CEP250: variants seen among roughly 807,000 people sequenced by gnomAD.
CEP250 encodes centrosomal protein 250, also known as centrosome-associated protein CEP250.
A neutral mutation model predicts 315.7 loss-of-function variants in CEP250; 242 were observed. The observed-to-expected ratio is 0.77, with a 90% CI of 0.69 to 0.85. The LOEUF is 0.85. Ranked by LOEUF, CEP250 falls within the 40% of genes least tolerant of loss-of-function variation. The probability of loss-of-function intolerance (pLI) is 0.00; values close to 1 mark genes in which losing one functional copy is unlikely to be tolerated. For synonymous variants in CEP250, 1,088 were observed against 1,175.0 expected (o/e 0.93, Z 1.51); for missense variants, 2,515 against 2,886.4 (o/e 0.87, Z 2.95).
intron 20 of CEP250, among the ~76,000 whole-genome samples, chr20:35,485,645 C>CTTTCTT (rs2063489832): frequency 3.0e-5 from 1 of 33,788 alleles, no homozygotes; most frequent in African/African-American, 1.2e-4. Flanking sequence ...GTCTGCCTGG[C>CTTTCTT]TTTTTTTTTT....
chr20:35,457,938 A>G (rs2062668440), intron 1 of CEP250, among the ~76,000 whole-genome samples: 1 of 152,234 alleles, frequency 6.6e-6, no homozygotes, highest in South Asian at 2.1e-4. Flanking sequence ...GGGAGAGGCC[A>G]GAGGTTGGAA....
intron 5 of CEP250, among the ~76,000 whole-genome samples, chr20:35,464,972 TA>T: frequency 6.6e-6 from 1 of 152,268 alleles, no homozygotes; most frequent in African/African-American, 2.4e-5. Flanking sequence ...ACCTTTAACT[TA>T]TGTTCAACTT....
chr20:35,509,067 C>T, intron 33 of CEP250, 23 bp downstream of exon 33: 5 of 1,543,702 alleles, frequency 3.2e-6, no homozygotes, highest in Non-Finnish European at 4.4e-6. Flanking sequence ...TCCTCAGCTG[C>T]AGCCTTAGAG....
rs781194340 is a variant in CEP250 at position 35,473,379 on chromosome 20, A to G, written c.1215A>G (p.Leu405=). The change falls in exon 13 of 35, where the codon CTA becomes CTG. Residue 405 remains leucine, a synonymous_variant. Coordinates refer to ENST00000397527, the MANE Select transcript of CEP250 (RefSeq NM_007186.6). ...LTRRRQAVQD[L]RQQLAGCQEA... ...CTCTTGCTCTCTCTCCACAGGACCTAAGGCAGCAGCTTGCAGGCTGTCAAG... is the reference window on the plus strand; with the variant it reads ...CTCTTGCTCTCTCTCCACAGGACCTGAGGCAGCAGCTTGCAGGCTGTCAAG... The G allele has an allele frequency of 6.2e-6, 10 of 1,612,814 alleles. No homozygotes were observed. The highest frequency in any genetic ancestry group is 8.5e-6 in the Non-Finnish European group (10 of 1,179,256).
intron 24 of CEP250, among the ~76,000 whole-genome samples, chr20:35,495,098 T>C (rs980216762): frequency 6.6e-6 from 1 of 152,148 alleles, no homozygotes; most frequent in Non-Finnish European, 1.5e-5. Flanking sequence ...GAGCTACCCA[T>C]GTAAAAGGGT....
intron 33 of CEP250, among the ~76,000 whole-genome samples, chr20:35,509,395 AGGAGCTTG>A (rs1446892589): frequency 1.3e-5 from 2 of 152,178 alleles, no homozygotes; most frequent in African/African-American, 2.4e-5. Flanking sequence ...TGAGGAGCCT[AGGAGCTTG>A]ATCACAGCTT....
At chr20:35,499,693 C>T (rs2063946389) in intron 27 of CEP250, among the ~76,000 whole-genome samples, 2 of 152,180 alleles carry the variant, frequency 1.3e-5, no homozygotes, top group Admixed American at 1.3e-4. Context: ...GCAATTCATC[C>T]TGATTTGGGA....
intron 20 of CEP250, among the ~76,000 whole-genome samples, chr20:35,483,164 T>C (rs1048394082): frequency 1.3e-5 from 2 of 151,618 alleles, no homozygotes; most frequent in African/African-American, 4.8e-5. Flanking sequence ...CTACTAAATA[T>C]ACAAAATTAG....
rs2063894888 is a variant in CEP250 at position 35,498,035 on chromosome 20, A to C, written c.3623A>C (p.Asp1208Ala). ...AGGCCTGAGCTGAGTGGTGGGGGAG[A>C]CTCTGCTCCTTCCGTCTGGGGCCTT... ...ESRPELSGGG[D>A]SAPSVWGLEP... Residue 1208 changes from aspartate (D) to alanine (A), a missense_variant, in exon 26 of 35, where the codon GAC becomes GCC. Transcript: ENST00000397527. 24 of 1,591,026 alleles carry C rather than the reference A, an allele frequency of 1.5e-5. No individual in the cohort carries two copies. Among genetic ancestry groups the C allele is most frequent in the Non-Finnish European group, 2.1e-5 (24 of 1,164,094 alleles).
At position 35,505,014 on chromosome 20, in the gene CEP250, C is replaced by T. The variant is rs1358888589; in HGVS notation, c.6636+9C>T. The stretch of plus-strand genomic sequence containing the variant: ...AACAGCAAAGGCTGCAGGTAAGTCA[C>T]TCCATGGGGAGTAAGGGCCAGGGGA... On this transcript the variant is annotated intron_variant, in intron 30 of 34. Transcript: ENST00000397527. 2 of 1,589,162 alleles carry T rather than the reference C, an allele frequency of 1.3e-6. No individual in the cohort carries two copies. Among genetic ancestry groups the T allele is most frequent in the East Asian group, 4.5e-5 (2 of 44,522 alleles).
intron 14 of CEP250, chr20:35,474,932 G>A: frequency 2.2e-5 from 10 of 459,534 alleles, no homozygotes; most frequent in Non-Finnish European, 4.5e-5. Context: ...CCAGTTCCTT[G>A]TACCTGGTAG....
Position 35,472,086 on chromosome 20 carries a change from T to C in CEP250, c.985T>C (p.Ser329Pro), listed in dbSNP as rs1220168969. 6.2e-7 allele frequency: 1 copy of C among 1,613,148 alleles called. No homozygotes were observed. The highest frequency in any genetic ancestry group is 8.5e-7 in the Non-Finnish European group (1 of 1,179,196). ...NHTELMEHEA[S>P]LSRNAQEEKL... ...CACAGAATTAATGGAACATGAAGCA[T>C]CTCTTAGTAGGAATGCGCAAGAGGA... Residue 329 changes from serine to proline, a missense_variant, in exon 11 of 35, where the codon TCT (serine) becomes CCT (proline). By Grantham distance (74) the Ser-to-Pro change is moderately conservative (BLOSUM62 -1). Coordinates refer to ENST00000397527, the MANE Select transcript of CEP250 (RefSeq NM_007186.6).
intron 20 of CEP250, among the ~76,000 whole-genome samples, chr20:35,482,975 C>T (rs1445555746): frequency 1.3e-5 from 2 of 152,162 alleles, no homozygotes; most frequent in African/African-American, 4.8e-5. Flanking sequence ...ATTATCTCTT[C>T]AATATTACCT....
intron 24 of CEP250, among the ~76,000 whole-genome samples, chr20:35,495,373 A>G (rs1358568708): frequency 6.6e-6 from 1 of 152,200 alleles, no homozygotes; most frequent in African/African-American, 2.4e-5. Context: ...CTTATGATGT[A>G]TTTGAAGGGA....
intron 11 of CEP250, 124 bp from the exon 12 acceptor site, chr20:35,472,549 C>T: frequency 1.0e-6 from 1 of 989,488 alleles, no homozygotes; most frequent in Non-Finnish European, 1.5e-6. Context: ...TACTCCCCTC[C>T]TTCCCCCAGG....
At position 35,490,726 on chromosome 20, in the gene CEP250, G is replaced by A; in HGVS notation, c.2676G>A (p.Lys892=). The A allele has an allele frequency of 6.2e-7, 1 of 1,614,008 alleles. No homozygotes were observed. ...REKMELEMRL[K]EQQTEMEAIQ... is the part of the protein sequence containing the mutation. ...AAATGGAGCTGGAAATGAGGCTAAAGGAGCAGCAGACAGAAATGGAGGCCA... is the reference window on the plus strand; with the variant it reads ...AAATGGAGCTGGAAATGAGGCTAAAAGAGCAGCAGACAGAAATGGAGGCCA... The change falls in exon 21 of 35, where the codon AAG becomes AAA. Residue 892 remains lysine, a synonymous_variant. Coordinates refer to ENST00000397527, the MANE Select transcript of CEP250 (RefSeq NM_007186.6).
chr20:35,504,574 GTCCAAGAGAATATGA>G lies in CEP250; in HGVS notation c.6216_6230del (p.Asn2072_Glu2076del), dbSNP rs1212715053. On this transcript the variant is annotated inframe_deletion, in exon 30 of 35. Coordinates refer to ENST00000397527, the MANE Select transcript of CEP250 (RefSeq NM_007186.6). ...GCTGGAGAAGTCTCTGGCCCAGAGGGTCCAAGAGAATATGATCCAAGAGAAGCAGAATCTGGGGCA... is the reference window on the plus strand; with the variant it reads ...GCTGGAGAAGTCTCTGGCCCAGAGGGTCCAAGAGAAGCAGAATCTGGGGCA... 13 of 1,614,072 alleles carry G rather than the reference GTCCAAGAGAATATGA, an allele frequency of 8.1e-6. No homozygotes were observed. Among genetic ancestry groups the G allele is most frequent in the Admixed American group, 1.7e-5 (1 of 60,004 alleles).
rs958965935 is a variant in CEP250, at chr20:35,516,176, G to C, written c.*4550G>C. 2.0e-4 allele frequency: 30 copies of C among 152,252 alleles called. 1 individual carries two copies. Among genetic ancestry groups the C allele is most frequent in the African/African-American group, 7.2e-4 (30 of 41,458 alleles). The allele number at this position is 152,252 out of a possible 1,614,324, so 9.4% of individuals were successfully genotyped here. A position where few individuals can be genotyped will look rare whatever the true frequency, so the allele number is the denominator to read the frequency against. On this transcript the variant is annotated 3_prime_UTR_variant, in exon 35 of 35. Coordinates refer to ENST00000397527, the MANE Select transcript of CEP250 (RefSeq NM_007186.6). ...GCCAAGGCTGTGTGATGTGTCATCT[G>C]AGAGAGTGGGTAACCCCTATTCCCA...
chr20:35,473,547 C>A lies in CEP250; in HGVS notation c.1383C>A (p.Leu461=). ...ACCTCCAGGGAGAGGTGGACTCTCT[C>A]AGCAAGTGAGCAGACGGGCTGTTCA... is the stretch of plus-strand genomic sequence containing the variant. ...TVDLQGEVDS[L]SKERELLQKA... The change falls in exon 13 of 35, where the codon CTC becomes CTA. Residue 461 remains leucine (L), a synonymous_variant. Transcript: ENST00000397527. The A allele has an allele frequency of 6.2e-7, 1 of 1,611,060 alleles. No homozygotes were observed. The highest frequency in any genetic ancestry group is 1.1e-5 in the South Asian group (1 of 90,642).
Sources: allele counts gnomAD v4.1 joint callset (sites outside exome capture counted in the v4.1 genomes callset), GRCh38; gene constraint gnomAD v4.1.1; transcripts MANE v1.5; gene names NCBI Gene and HGNC (gene_info 2026-07-23, HGNC 2026-07-21).